The following PRH1 variants were observed in gnomAD, a reference collection of about 807,000 sequenced individuals.
PRH1 encodes proline rich protein HaeIII subfamily 1.
PRH1 carries 7 observed loss-of-function variants against 7.9 expected under a neutral mutation model. The ratio of observed to expected loss-of-function variants is 0.89; its 90% CI spans 0.50 to 1.67. PRH1 has a LOEUF of 1.67. PRH1 is among the 40% of genes most tolerant of loss of function. The pLI, the probability that PRH1 is intolerant of heterozygous loss-of-function variation, is 0.00. For missense variants in PRH1, 109 were observed against 223.6 expected (o/e 0.49, Z 3.27); for synonymous variants, 45 against 80.8 (o/e 0.56, Z 2.38).
At chr12:10,957,392 A>T (rs1938022456) in intron 2 of PRH1, among the ~76,000 whole-genome samples, 1 of 152,138 alleles carries the variant, frequency 6.6e-6, no homozygotes, top group South Asian at 2.1e-4. Context: ...CACCTTTCTT[A>T]TACATACACA....
In PRH1 at chr12:11,091,609, C is replaced by A. The variant is rs772397868; in HGVS notation, n.124-44421G>T. 4 of 1,307,632 alleles carry A rather than the reference C, an allele frequency of 3.1e-6. 1 individual carries two copies. The highest frequency in any genetic ancestry group is 4.3e-6 in the Non-Finnish European group (4 of 921,832). The allele number at this position is 1,307,632 out of a possible 1,614,324, so 81.0% of individuals were successfully genotyped here. A position where few individuals can be genotyped will look rare whatever the true frequency, so the allele number is the denominator to read the frequency against. ...ATCCTTTACCATGGAGCTGCATCTTCTTGAGATGTTTACACAAAGAACAGA... is the reference window on the plus strand; with the variant it reads ...ATCCTTTACCATGGAGCTGCATCTTATTGAGATGTTTACACAAAGAACAGA... On this transcript the variant is annotated intron_variant and non_coding_transcript_variant, in intron 1 of 4. Coordinates refer to the PRH1 transcript ENST00000541977.
intron 1 of PRH1, among the ~76,000 whole-genome samples, chr12:10,994,268 T>A (rs80351330): frequency 6.6e-6 from 1 of 152,112 alleles, no homozygotes; most frequent in African/African-American, 2.4e-5. Context: ...CATCAAGGGA[T>A]TGGATGATGG....
chr12:10,898,750 A>G (rs1949683718), intron 2 of PRH1, among the ~76,000 whole-genome samples: 1 of 152,230 alleles, frequency 6.6e-6, no homozygotes, highest in African/African-American at 2.4e-5. Context: ...TGAGAAGGTG[A>G]TGTCTGAACA....
chr12:10,946,937 C>G lies in PRH1; in HGVS notation c.-59+26718G>C, dbSNP rs112413756. 3.4e-3 allele frequency among the ~76,000 whole-genome samples: 519 copies of G among 152,134 alleles called. 2 individuals are homozygous for G. The highest frequency in any genetic ancestry group is 5.7e-3 in the Non-Finnish European group (386 of 67,988). ...TGTTTAATTTCCATGTAATTGTATG[C>G]TTTAATAATTTTCATTGTGTTGACT... On this transcript the variant is annotated intron_variant, in intron 2 of 3. Transcript: ENST00000539853.
chr12:10,941,029 G>T (rs80151998), intron 2 of PRH1, among the ~76,000 whole-genome samples: 2 of 152,094 alleles, frequency 1.3e-5, no homozygotes, highest in Non-Finnish European at 2.9e-5. Flanking sequence ...AAGTACAAAC[G>T]TACTATCCAC....
chr12:10,999,652 C>G (rs1338045683), intron 1 of PRH1, among the ~76,000 whole-genome samples: 1 of 152,110 alleles, frequency 6.6e-6, no homozygotes, highest in Non-Finnish European at 1.5e-5. Flanking sequence ...CACTTCCAGG[C>G]CACTTTCCAA....
At chr12:11,151,568 CCTT>C (rs1355929341) in intron 1 of PRH1, among the ~76,000 whole-genome samples, 1 of 152,164 alleles carries the variant, frequency 6.6e-6, no homozygotes, top group Admixed American at 6.5e-5. Context: ...TTGCTCTCTT[CCTT>C]TTTTTGCCTA....
At chr12:11,082,787 A>G (rs796230979) in intron 1 of PRH1, among the ~76,000 whole-genome samples, 55 of 99,982 alleles carry the variant, frequency 5.5e-4, no homozygotes, top group East Asian at 7.2e-4. Context: ...TGGCTGTTTA[A>G]TTTTGTTCCA....
At chr12:10,891,535 A>C (rs1367771656) in intron 2 of PRH1, 1 of 152,240 alleles carries the variant, frequency 6.6e-6, no homozygotes, top group Non-Finnish European at 1.5e-5. Flanking sequence ...ATGGACTTTC[A>C]GCAAATCCTA....
chr12:11,136,468 A>G (rs1946557606), intron 1 of PRH1, among the ~76,000 whole-genome samples: 1 of 152,190 alleles, frequency 6.6e-6, no homozygotes, highest in South Asian at 2.1e-4. Flanking sequence ...ATTCCTCTGT[A>G]TATATACCTT....
intron 1 of PRH1, among the ~76,000 whole-genome samples, chr12:10,987,454 CA>C (rs1939707292): frequency 6.6e-6 from 1 of 151,714 alleles, no homozygotes; most frequent in East Asian, 1.9e-4. Flanking sequence ...ATAAGAAGAC[CA>C]AAACACCTTA....
chr12:11,003,500 G>C (rs1484412988), intron 1 of PRH1, among the ~76,000 whole-genome samples: 1 of 151,650 alleles, frequency 6.6e-6, no homozygotes. Context: ...AAGTATCCCA[G>C]TTATGATAAT....
upstream of PRH1, among the ~76,000 whole-genome samples, chr12:11,051,727 T>C (rs117431655): frequency 0.013 from 1,974 of 152,358 alleles, 17 homozygotes; most frequent in Middle Eastern, 0.024. Context: ...TGGAACTCTG[T>C]ATAGATACAA....
chr12:11,131,709 G>C lies in PRH1; in HGVS notation n.40-10529C>G, dbSNP rs188420206. 3.2e-3 allele frequency among the ~76,000 whole-genome samples: 488 copies of C among 152,108 alleles called. 1 individual carries two copies. The highest frequency in any genetic ancestry group is 2.4e-3 in the Non-Finnish European group (164 of 67,990). On this transcript the variant is annotated intron_variant and non_coding_transcript_variant, in intron 1 of 1. Transcript: ENST00000541175. ...AGCTGCATCAAGACTATATTATTGT[G>C]ATATTTCCCCTAAAATTGTGGAATA... is the stretch of plus-strand genomic sequence containing the variant.
intron 1 of PRH1, among the ~76,000 whole-genome samples, chr12:11,127,204 T>C (rs552711282): frequency 2.0e-5 from 3 of 152,418 alleles, no homozygotes; most frequent in East Asian, 3.9e-4. Context: ...TATATGCTTG[T>C]TATAAGATAA....
chr12:11,071,868 G>A (rs1289467707), intron 1 of PRH1, among the ~76,000 whole-genome samples: 1 of 152,178 alleles, frequency 6.6e-6, no homozygotes, highest in South Asian at 2.1e-4. Context: ...CTCTACCCTT[G>A]CTCAATAACC....
At chr12:11,015,897 A>G (rs1941271098) in intron 1 of PRH1, among the ~76,000 whole-genome samples, 1 of 152,168 alleles carries the variant, frequency 6.6e-6, no homozygotes, top group Non-Finnish European at 1.5e-5. Context: ...TGCAAATATA[A>G]CCTTTCACCC....
chr12:11,039,279 G>C (rs1401431476), intron 1 of PRH1, among the ~76,000 whole-genome samples: 2 of 152,196 alleles, frequency 1.3e-5, no homozygotes, highest in African/African-American at 2.4e-5. Flanking sequence ...TAAGTGTGCA[G>C]TAATGTTGTT....
At chr12:11,014,061 T>C (rs766198868) in intron 1 of PRH1, among the ~76,000 whole-genome samples, 9 of 152,148 alleles carry the variant, frequency 5.9e-5, no homozygotes, top group Non-Finnish European at 1.2e-4. Flanking sequence ...CATTTGACAT[T>C]TGAAGGAAAA....
Sources: allele counts gnomAD v4.1 joint callset (sites outside exome capture counted in the v4.1 genomes callset), GRCh38; gene constraint gnomAD v4.1.1; transcripts MANE v1.5; gene names NCBI Gene and HGNC (gene_info 2026-07-23, HGNC 2026-07-21).